ZCCHC4: variants seen among roughly 807,000 people sequenced by gnomAD.
ZCCHC4 encodes zinc finger CCHC-type containing 4.
A neutral mutation model predicts 67.7 loss-of-function variants in ZCCHC4; 54 were observed. That is an observed-to-expected ratio of 0.80 (90% CI 0.64 to 1.00). The LOEUF (loss-of-function observed/expected upper bound fraction) is 1.00. ZCCHC4 is among the 50% of genes least tolerant of loss of function. The probability of loss-of-function intolerance (pLI) is 0.00; values close to 1 mark genes in which losing one functional copy is unlikely to be tolerated. For synonymous variants in ZCCHC4, 198 were observed against 213.5 expected (o/e 0.93, Z 0.63); for missense variants, 609 against 617.0 (o/e 0.99, Z 0.14).
intron 3 of ZCCHC4, among the ~76,000 whole-genome samples, chr4:25,327,869 C>T (rs753884309): frequency 1.9e-4 from 29 of 152,150 alleles, no homozygotes; most frequent in African/African-American, 6.0e-4. Context: ...TTCAAAAAAG[C>T]CTGTTAATAT....
At chr4:25,319,632 TTAAGA>T (rs1718474378) in intron 3 of ZCCHC4, among the ~76,000 whole-genome samples, 1 of 152,122 alleles carries the variant, frequency 6.6e-6, no homozygotes, top group Non-Finnish European at 1.5e-5. Flanking sequence ...ATTCAGTGTC[TTAAGA>T]TAAAGAGTCC....
intron 3 of ZCCHC4, among the ~76,000 whole-genome samples, chr4:25,332,310 A>G (rs2109063613): frequency 6.6e-6 from 1 of 152,120 alleles, no homozygotes; most frequent in East Asian, 1.9e-4. Context: ...AAAAAAAAAA[A>G]AAAAAAAGAT....
chr4:25,349,807 A>G (rs1720203268), intron 7 of ZCCHC4, 165 bp downstream of exon 7: 2 of 669,158 alleles, frequency 3.0e-6, no homozygotes, highest in Non-Finnish European at 4.9e-6. Flanking sequence ...TTATCATGAT[A>G]TACTTTGTAT....
At chr4:25,348,427 C>T (rs1005817860) in intron 6 of ZCCHC4, among the ~76,000 whole-genome samples, 8 of 152,100 alleles carry the variant, frequency 5.3e-5, no homozygotes, top group Admixed American at 2.6e-4. Flanking sequence ...TGAGTACAGT[C>T]AGCTCTCCCC....
chr4:25,344,904 G>A (rs1315590302), intron 5 of ZCCHC4, among the ~76,000 whole-genome samples: 1 of 151,438 alleles, frequency 6.6e-6, no homozygotes, highest in African/African-American at 2.4e-5. Context: ...CTGGGCTCAA[G>A]CCATCCTAAC....
intron 10 of ZCCHC4, among the ~76,000 whole-genome samples, chr4:25,363,187 A>G (rs1560417733): frequency 6.6e-6 from 1 of 152,156 alleles, no homozygotes; most frequent in East Asian, 1.9e-4. Context: ...TTCTTCCTGA[A>G]GGGTGTCTCT....
chr4:25,338,671 A>G (rs1457064286), intron 5 of ZCCHC4, among the ~76,000 whole-genome samples: 2 of 152,136 alleles, frequency 1.3e-5, no homozygotes, highest in African/African-American at 4.8e-5. Flanking sequence ...TTTGTGTCAG[A>G]CTTCTTTCAC....
chr4:25,322,885 A>G (rs983298334), intron 3 of ZCCHC4, among the ~76,000 whole-genome samples: 3 of 152,184 alleles, frequency 2.0e-5, no homozygotes, highest in African/African-American at 4.8e-5. Context: ...AAAAATCTAT[A>G]TATGGTAGTA....
chr4:25,325,135 C>T (rs960333712), intron 3 of ZCCHC4, among the ~76,000 whole-genome samples: 3 of 114,688 alleles, frequency 2.6e-5, no homozygotes, highest in East Asian at 2.3e-4. Flanking sequence ...CCCAGCTACT[C>T]GGGAGGCTGA....
intron 5 of ZCCHC4, among the ~76,000 whole-genome samples, chr4:25,341,488 A>G (rs1489065933): frequency 6.6e-6 from 1 of 152,172 alleles, no homozygotes; most frequent in Non-Finnish European, 1.5e-5. Context: ...TGTATATGAC[A>G]TGCCTGCTCC....
chr4:25,324,209 G>T (rs1489302249), intron 3 of ZCCHC4, among the ~76,000 whole-genome samples: 2 of 150,224 alleles, frequency 1.3e-5, no homozygotes, highest in Non-Finnish European at 3.0e-5. Flanking sequence ...TGGAGATGAG[G>T]TTTCACCATG....
chr4:25,356,144 C>T (rs1720508235), intron 8 of ZCCHC4, among the ~76,000 whole-genome samples: 1 of 152,180 alleles, frequency 6.6e-6, no homozygotes. Context: ...TGCTTTCCCT[C>T]ATTTCTATAC....
chr4:25,319,724 A>G (rs1006716759), intron 3 of ZCCHC4, among the ~76,000 whole-genome samples: 4 of 152,056 alleles, frequency 2.6e-5, no homozygotes, highest in Non-Finnish European at 5.9e-5. Context: ...GCTTGAGACT[A>G]GCAGTTCATT....
intron 3 of ZCCHC4, among the ~76,000 whole-genome samples, chr4:25,315,653 C>G (rs1718219051): frequency 6.6e-6 from 1 of 151,634 alleles, no homozygotes; most frequent in Admixed American, 6.6e-5. Context: ...CACCATTATG[C>G]TGTAACTCCT....
At chr4:25,366,506 C>T (rs767657756) in intron 12 of ZCCHC4, among the ~76,000 whole-genome samples, 2 of 151,930 alleles carry the variant, frequency 1.3e-5, no homozygotes, top group East Asian at 1.9e-4. Flanking sequence ...TTAGTAGAGA[C>T]GGGGTTTCGC....
At chr4:25,342,995 A>G (rs900237710) in intron 5 of ZCCHC4, among the ~76,000 whole-genome samples, 15 of 152,224 alleles carry the variant, frequency 9.9e-5, no homozygotes, top group Non-Finnish European at 2.1e-4. Flanking sequence ...GAATGACAAC[A>G]ATAGGGATTA....
intron 6 of ZCCHC4, among the ~76,000 whole-genome samples, chr4:25,348,892 T>G (rs1720149532): frequency 6.6e-6 from 1 of 152,216 alleles, no homozygotes; most frequent in Non-Finnish European, 1.5e-5. Context: ...AAGCTTAAAT[T>G]AACCTTTGGG....
Position 25,348,118 on chromosome 4 carries a change from A to G in ZCCHC4, c.760-1374A>G, listed in dbSNP as rs563314380. ...GGAGTTTGAAGATTTCAATATCATCATCTGTGCTTTCAGTCCTTGTTCTTG... is the reference window on the plus strand; with the variant it reads ...GGAGTTTGAAGATTTCAATATCATCGTCTGTGCTTTCAGTCCTTGTTCTTG... On this transcript the variant is annotated intron_variant, in intron 6 of 12. Coordinates refer to ENST00000302874, the MANE Select transcript of ZCCHC4 (RefSeq NM_024936.3). 5.3e-5 allele frequency among the ~76,000 whole-genome samples: 8 copies of G among 152,220 alleles called. No individual in the cohort carries two copies. The East Asian group carries it at 1.2e-3, about 22-fold the overall frequency.
intron 3 of ZCCHC4, among the ~76,000 whole-genome samples, chr4:25,325,663 A>G (rs953474181): frequency 6.6e-6 from 1 of 152,164 alleles, no homozygotes; most frequent in Non-Finnish European, 1.5e-5. Flanking sequence ...TGAAGAAAAA[A>G]ATGTTAAGTC....
Sources: gnomAD v4.1 joint callset for allele counts (sites outside exome capture counted in the v4.1 genomes callset) on GRCh38, gnomAD v4.1.1 for gene constraint, MANE v1.5 for transcripts, NCBI Gene and HGNC (gene_info 2026-07-23, HGNC 2026-07-21) for gene names.